TLN1: variants seen among roughly 807,000 people sequenced by gnomAD.
TLN1 encodes talin 1, also known as talin-1.
A neutral mutation model predicts 292.3 loss-of-function variants in TLN1; 56 were observed. The ratio of observed to expected loss-of-function variants is 0.19; its 90% confidence interval spans 0.15 to 0.24. TLN1 has a LOEUF of 0.24. Among genes scored for constraint, TLN1 ranks in the 10% least tolerant of loss-of-function variants. TLN1 has a pLI of 1.00. For missense variants in TLN1, 2,433 were observed against 3,248.2 expected (o/e 0.75, Z 6.10); for synonymous variants, 1,119 against 1,253.7 (o/e 0.89, Z 2.27).
chr9:35,707,714 A>G lies in TLN1; in HGVS notation c.4632+17T>C. On this transcript the variant is annotated intron_variant, in intron 35 of 56. Transcript: ENST00000314888. The surrounding 1 kb of genome is among the most constrained non-coding windows in gnomAD (Gnocchi z 5.6). ...AGGACAGGTCAGGGAGAGGCTGGGA[A>G]TTCAAGCAATGGGAACCTTGATGGT... 1 of 1,614,056 alleles carries G rather than the reference A, an allele frequency of 6.2e-7. No individual in the cohort carries two copies. The highest frequency in any genetic ancestry group is 8.5e-7 in the Non-Finnish European group (1 of 1,179,940).
Position 35,712,736 on chromosome 9 carries a change from CTG to C in TLN1, c.3561+97_3561+98del, listed in dbSNP as rs566420880. 2,590 of 1,039,146 alleles carry C rather than the reference CTG, an allele frequency of 2.5e-3. 99 individuals carry two copies. In the Admixed American group the frequency reaches 0.056, roughly 23 times the overall value. 64.4% of individuals were successfully genotyped at this position (1,039,146 alleles called of 1,614,324 possible). On this transcript the variant is annotated intron_variant, in intron 27 of 56. Coordinates refer to ENST00000314888, the MANE Select transcript of TLN1 (RefSeq NM_006289.4). ...AGAGCAGACCCAAGAAGACATCACTCTGTGAGTGTGGACGAGGCTCAGAAGCT... is the reference window on the plus strand; with the variant it reads ...AGAGCAGACCCAAGAAGACATCACTCTGAGTGTGGACGAGGCTCAGAAGCT...
chr9:35,703,629 C>T lies in TLN1; in HGVS notation c.6405G>A (p.Val2135=). ...VTSLLKTVKA[V]EDEATKGTRA... ...GAGTGCCTTTGGTGGCCTCATCTTC[C>T]ACGGCTTTTACTGTCTTAAGCAATG... The change falls in exon 48 of 57, where the codon GTG becomes GTA. Residue 2135 remains valine, a synonymous_variant. Transcript: ENST00000314888. 6.2e-7 allele frequency: 1 copy of T among 1,614,168 alleles called. No individual in the cohort carries two copies. The highest frequency in any genetic ancestry group is 8.5e-7 in the Non-Finnish European group (1 of 1,180,026).
chr9:35,713,648 C>T (rs1225255812), intron 25 of TLN1, among the ~76,000 whole-genome samples: 1 of 150,478 alleles, frequency 6.6e-6, no homozygotes, highest in Non-Finnish European at 1.5e-5. Flanking sequence ...TGCACAACTG[C>T]ACTACAGTTT....
rs555535773 is a variant in TLN1 at position 35,725,020 on chromosome 9, T to C, written c.229-61A>G. ...TGAGCTAGGGGTATTATTTCCTCTT[T>C]ACACAGCCCGAGGGGAGAGAGTGGA... On this transcript the variant is annotated intron_variant, in intron 3 of 56. Coordinates refer to ENST00000314888, the MANE Select transcript of TLN1 (RefSeq NM_006289.4). 31 of 1,609,906 alleles carry C rather than the reference T, an allele frequency of 1.9e-5. No individual in the cohort carries two copies. In the Admixed American group the frequency reaches 3.9e-4, roughly 20 times the overall value.
intron 11 of TLN1, 121 bp downstream of exon 11, chr9:35,720,691 T>A: frequency 9.4e-7 from 1 of 1,063,410 alleles, no homozygotes; most frequent in Admixed American, 1.9e-5. Context: ...AGAGGCAAGA[T>A]CTCGGCTCAT....
chr9:35,720,715 TC>T, intron 11 of TLN1, 96 bp downstream of exon 11: 1 of 1,251,522 alleles, frequency 8.0e-7, no homozygotes. Flanking sequence ...AACCTCCGCC[TC>T]CCAGGTTCAA....
chr9:35,701,152 C>A (rs1483156257), intron 48 of TLN1, among the ~76,000 whole-genome samples: 1 of 152,136 alleles, frequency 6.6e-6, no homozygotes, highest in East Asian at 1.9e-4. Context: ...GAAGAGCCTG[C>A]AGCAGATAAG....
intron 8 of TLN1, 95 bp downstream of exon 8, chr9:35,722,766 G>A: frequency 7.7e-7 from 1 of 1,299,130 alleles, no homozygotes; most frequent in East Asian, 2.3e-5. Flanking sequence ...GCCAAGTTAG[G>A]GGAGACGGGG....
Position 35,714,819 on chromosome 9 carries a change from C to G in TLN1, c.2812G>C (p.Ala938Pro), listed in dbSNP as rs761068682. 1 of 1,573,884 alleles carries G rather than the reference C, an allele frequency of 6.4e-7. No homozygotes were observed. The highest frequency in any genetic ancestry group is 2.2e-5 in the East Asian group (1 of 44,578). ...ATQTIAAAQHAASTPKASAGP... is the reference protein window; with the variant it reads ...ATQTIAAAQHPASTPKASAGP... ...GCAGAGGCCTTGGGGGTAGAGGCTG[C>G]GTGCTGAGCTGCAGCGATGGTCTGT... Residue 938 changes from alanine (A) to proline (P), a missense_variant, in exon 22 of 57, where the codon GCA (alanine) becomes CCA (proline). This residue lies in a region of TLN1 where 617 missense variants were observed against 770.6 expected (regional missense o/e 0.80). Transcript: ENST00000314888. The surrounding 1 kb of genome is among the most constrained non-coding windows in gnomAD (Gnocchi z 4.6).
chr9:35,714,431 A>G lies in TLN1; in HGVS notation c.2986-58T>C. ...CCATCCTCCCTCTGGGCTTGGGTAC[A>G]AGGACTGATGATGGTCAGGATGTAG... On this transcript the variant is annotated intron_variant, in intron 23 of 56. Transcript: ENST00000314888. This position sits in a 1 kb window ranked among gnomAD's most constrained non-coding sequence, Gnocchi z 4.6. The G allele has an allele frequency of 1.3e-6, 2 of 1,579,206 alleles. No homozygotes were observed. The highest frequency in any genetic ancestry group is 1.7e-6 in the Non-Finnish European group (2 of 1,164,394).
chr9:35,719,245 A>G lies in TLN1; in HGVS notation c.1725T>C (p.Cys575=). Reference sequence around the variant, plus strand: ...GGTTGGAGGAGATTGTGGTGACTGCACAGCCCACTGCGGTATAGTCTGTCT... The same window carrying G: ...GGTTGGAGGAGATTGTGGTGACTGCGCAGCCCACTGCGGTATAGTCTGTCT... ...PAETDYTAVG[C]AVTTISSNLT... The change falls in exon 16 of 57, where the codon TGT becomes TGC. Residue 575 remains cysteine (C), a synonymous_variant. Coordinates refer to ENST00000314888, the MANE Select transcript of TLN1 (RefSeq NM_006289.4). This position sits in a 1 kb window ranked among gnomAD's most constrained non-coding sequence, Gnocchi z 4.6. 6.2e-7 allele frequency: 1 copy of G among 1,614,216 alleles called. No individual in the cohort carries two copies. The highest frequency in any genetic ancestry group is 1.7e-5 in the Admixed American group (1 of 60,024).
rs1294821944 is a variant in TLN1 at position 35,707,868 on chromosome 9, C to T, written c.4495G>A (p.Ala1499Thr). The T allele has an allele frequency of 6.2e-7, 1 of 1,614,026 alleles. No individual in the cohort carries two copies. Among genetic ancestry groups the T allele is most frequent in the Non-Finnish European group, 8.5e-7 (1 of 1,179,976 alleles). The part of the protein sequence containing the change: ...AQVLSAATIV[A>T]KHTSALCNSC... Reference sequence around the variant, plus strand: ...TTACACAGTGCAGAGGTGTGTTTAGCCACAATGGTGGCTGCAGAGAGCACC... The same window carrying T: ...TTACACAGTGCAGAGGTGTGTTTAGTCACAATGGTGGCTGCAGAGAGCACC... Residue 1499 changes from alanine to threonine, a missense_variant, in exon 35 of 57, where the codon GCT becomes ACT. By Grantham distance (58) the Ala-to-Thr change is moderately conservative. Transcript: ENST00000314888. This position sits in a 1 kb window ranked among gnomAD's most constrained non-coding sequence, Gnocchi z 5.6.
chr9:35,730,004 G>C (rs1826045574), intron 1 of TLN1, among the ~76,000 whole-genome samples: 1 of 94,090 alleles, frequency 1.1e-5, no homozygotes, highest in Non-Finnish European at 2.6e-5. Context: ...AAGAATGCTG[G>C]TGATGATGGT....
At position 35,699,730 on chromosome 9, in the gene TLN1, G is replaced by A; in HGVS notation, c.6768+244C>T. The A allele has an allele frequency of 2.0e-6, 2 of 977,804 alleles. No individual in the cohort carries two copies. The highest frequency in any genetic ancestry group is 2.4e-6 in the Non-Finnish European group (2 of 823,046). The allele number at this position is 977,804 out of a possible 1,614,324, so 60.6% of individuals were successfully genotyped here. Reference sequence around the variant, plus strand: ...GACGACGAAAGTAGAGAAGGGGGTGGTCAGGTGGGAAGGGAGGAGAAAAGA... The same window carrying A: ...GACGACGAAAGTAGAGAAGGGGGTGATCAGGTGGGAAGGGAGGAGAAAAGA... On this transcript the variant is annotated intron_variant, in intron 50 of 56. Transcript: ENST00000314888. This position sits in a 1 kb window ranked among gnomAD's most constrained non-coding sequence, Gnocchi z 4.0.
rs1178881752 is a variant in TLN1, at chr9:35,699,617, G to A, written c.6769-156C>T. On this transcript the variant is annotated intron_variant, in intron 50 of 56. Coordinates refer to ENST00000314888, the MANE Select transcript of TLN1 (RefSeq NM_006289.4). This position sits in a 1 kb window ranked among gnomAD's most constrained non-coding sequence, Gnocchi z 4.0. Reference sequence around the variant, plus strand: ...CGCTGCCTATCCAAGTACACATCATGCATCACACCTCACACGTGATAGAGA... The same window carrying A: ...CGCTGCCTATCCAAGTACACATCATACATCACACCTCACACGTGATAGAGA... 8.1e-6 allele frequency: 8 copies of A among 985,104 alleles called. No homozygotes were observed. Among genetic ancestry groups the A allele is most frequent in the Middle Eastern group, 5.2e-4 (1 of 1,936 alleles). The allele number at this position is 985,104 out of a possible 1,614,324, so 61.0% of individuals were successfully genotyped here.
rs200596148 is a variant in TLN1, at chr9:35,720,201, C to T, written c.1302G>A (p.Gln434=). The T allele has an allele frequency of 7.5e-6, 12 of 1,596,966 alleles. No homozygotes were observed. The highest frequency in any genetic ancestry group is 3.5e-5 in the Admixed American group (2 of 57,648). The change falls in exon 13 of 57, where the codon CAG becomes CAA. Residue 434 remains glutamine, a synonymous_variant. Coordinates refer to ENST00000314888, the MANE Select transcript of TLN1 (RefSeq NM_006289.4). ...VSPKKSTVLQ[Q]QYNRVGKVEH... is the part of the protein sequence containing the mutation. ...CCACTTTCCCCACCCGGTTGTATTGCTGCTGCAGGACTGTTGACCTGTAGA... is the reference window on the plus strand; with the variant it reads ...CCACTTTCCCCACCCGGTTGTATTGTTGCTGCAGGACTGTTGACCTGTAGA...
intron 34 of TLN1, 90 bp downstream of exon 34, chr9:35,708,251 C>T: frequency 6.2e-6 from 9 of 1,461,864 alleles, no homozygotes; most frequent in South Asian, 2.9e-5. Flanking sequence ...GGTCCCTGCC[C>T]TCTTTCCCAC....
chr9:35,716,275 T>C (rs1010768660), intron 20 of TLN1, 115 bp downstream of exon 20: 2 of 1,245,850 alleles, frequency 1.6e-6, no homozygotes, highest in Non-Finnish European at 2.2e-6. Context: ...CCTATATTTG[T>C]CCTCTTGTGT....
At position 35,719,879 on chromosome 9, in the gene TLN1, G is replaced by A. The variant is rs189379592; in HGVS notation, c.1465-26C>T. ...CTAAAGACAAGTGGGGAGAAACAGG[G>A]ACTGGAATGGATGTTTGGAGAAAAG... On this transcript the variant is annotated intron_variant, in intron 13 of 56. Transcript: ENST00000314888. The surrounding 1 kb of genome is among the most constrained non-coding windows in gnomAD (Gnocchi z 4.6). 1 of 1,570,506 alleles carries A rather than the reference G, an allele frequency of 6.4e-7. No individual in the cohort carries two copies. The highest frequency in any genetic ancestry group is 2.3e-5 in the East Asian group (1 of 42,986).
Sources: gnomAD v4.1 joint callset for allele counts (sites outside exome capture counted in the v4.1 genomes callset) on GRCh38, gnomAD v4.1.1 for gene constraint, gnomAD v4.1.1 regional missense constraint, Gnocchi (gnomAD v3.1) non-coding constraint, MANE v1.5 for transcripts, NCBI Gene and HGNC (gene_info 2026-07-23, HGNC 2026-07-21) for gene names.